IL1RAPL1: variants seen among roughly 807,000 people sequenced by gnomAD.
IL1RAPL1 encodes the protein interleukin 1 receptor accessory protein like 1.
IL1RAPL1 carries 3 observed loss-of-function variants against 48.4 expected under a neutral mutation model. The ratio of observed to expected loss-of-function variants is 0.06; its 90% confidence interval spans 0.03 to 0.16. IL1RAPL1 has a LOEUF of 0.16. IL1RAPL1 is among the 10% of genes least tolerant of loss of function. The pLI is 1.00. For synonymous variants in IL1RAPL1, 185 were observed against 187.7 expected (o/e 0.99, Z 0.12); for missense variants, 349 against 530.6 (o/e 0.66, Z 3.36).
chrX:28,681,656 G>A (rs1369346704), intron 1 of IL1RAPL1, among the ~76,000 whole-genome samples: 1 of 111,536 alleles, frequency 9.0e-6, no homozygotes, highest in Non-Finnish European at 1.9e-5. Flanking sequence ...AAGTGCTCTC[G>A]CCACAAAAAG....
intron 2 of IL1RAPL1, among the ~76,000 whole-genome samples, chrX:28,949,054 A>G (rs1924381194): frequency 9.0e-6 from 1 of 110,803 alleles, no homozygotes; most frequent in Non-Finnish European, 1.9e-5. Context: ...TTTGAATCTA[A>G]TTATTAGTCT....
intron 5 of IL1RAPL1, among the ~76,000 whole-genome samples, chrX:29,659,783 A>T (rs1169878771): frequency 9.0e-6 from 1 of 111,208 alleles, no homozygotes; most frequent in Non-Finnish European, 1.9e-5. Flanking sequence ...TGTGGTTTTA[A>T]TTTGCATTTC....
intron 2 of IL1RAPL1, among the ~76,000 whole-genome samples, chrX:28,909,361 T>G (rs1923300961): frequency 8.9e-6 from 1 of 111,793 alleles, no homozygotes. Context: ...TATTGTGAAC[T>G]TCTAGTTTTC....
chrX:29,054,144 GA>G (rs1927160661), intron 2 of IL1RAPL1, among the ~76,000 whole-genome samples: 1 of 110,949 alleles, frequency 9.0e-6, no homozygotes, highest in Non-Finnish European at 1.9e-5. Context: ...GTAACATATA[GA>G]AAGACTTGCC....
intron 2 of IL1RAPL1, among the ~76,000 whole-genome samples, chrX:28,835,717 G>A (rs1921187848): frequency 9.0e-6 from 1 of 111,134 alleles, no homozygotes; most frequent in African/African-American, 3.3e-5. Flanking sequence ...AAGGAATAAA[G>A]TATCAAGTAC....
At chrX:29,463,079 A>C (rs767825181) in intron 5 of IL1RAPL1, among the ~76,000 whole-genome samples, 1 of 111,913 alleles carries the variant, frequency 8.9e-6, no homozygotes, top group African/African-American at 3.2e-5. Context: ...GCATAGAAAA[A>C]ATAGATGCTT....
intron 6 of IL1RAPL1, among the ~76,000 whole-genome samples, chrX:29,708,688 A>G (rs1927263565): frequency 8.9e-6 from 1 of 112,420 alleles, no homozygotes; most frequent in Non-Finnish European, 1.9e-5. Context: ...ATGGGAGTGC[A>G]GATAGCTCTT....
At position 28,946,679 on chromosome X, in the gene IL1RAPL1, G is replaced by A. The variant is rs1416045293; in HGVS notation, c.82+157254G>A. On this transcript the variant is annotated intron_variant, in intron 2 of 10. Transcript: ENST00000378993. ...TTATTGGGCCCTTGGTATGTTTAAG[G>A]CATTGTGCTTGATTAGGGACATAAA... 2.7e-5 allele frequency among the ~76,000 whole-genome samples: 3 copies of A among 110,603 alleles called. No homozygotes were observed. The East Asian group carries it at 8.6e-4, about 32-fold the overall frequency.
chrX:28,683,930 G>A (rs1056479953), intron 1 of IL1RAPL1, among the ~76,000 whole-genome samples: 3 of 111,636 alleles, frequency 2.7e-5, no homozygotes, highest in Non-Finnish European at 5.6e-5. Flanking sequence ...AAAGACCACA[G>A]GATGATTTCC....
chrX:28,754,716 G>A (rs1369646682), intron 1 of IL1RAPL1, among the ~76,000 whole-genome samples: 1 of 112,132 alleles, frequency 8.9e-6, no homozygotes, highest in Non-Finnish European at 1.9e-5. Flanking sequence ...TATTGTGTAA[G>A]TGTATGTATT....
chrX:29,681,342 G>C (rs377013555), intron 6 of IL1RAPL1, among the ~76,000 whole-genome samples: 1 of 112,264 alleles, frequency 8.9e-6, no homozygotes, highest in African/African-American at 3.2e-5. Flanking sequence ...AATATGATTT[G>C]TAATGTGTTT....
chrX:29,867,388 A>T (rs1931717939), intron 6 of IL1RAPL1, among the ~76,000 whole-genome samples: 1 of 111,751 alleles, frequency 8.9e-6, no homozygotes. Flanking sequence ...AGTCATAAAG[A>T]TAGAACCTTC....
At chrX:28,919,948 T>G (rs909012715) in intron 2 of IL1RAPL1, among the ~76,000 whole-genome samples, 2 of 112,009 alleles carry the variant, frequency 1.8e-5, no homozygotes, top group African/African-American at 6.5e-5. Flanking sequence ...ATTGTTTAAA[T>G]TTGTCTGATT....
chrX:29,199,645 A>G (rs749322341), intron 2 of IL1RAPL1, among the ~76,000 whole-genome samples: 89 of 111,519 alleles, frequency 8.0e-4, no homozygotes, highest in Non-Finnish European at 7.7e-4. Context: ...TTGCTCTCCT[A>G]TGAGAATCTA....
At chrX:28,785,178 G>C (rs1936461807) in intron 1 of IL1RAPL1, among the ~76,000 whole-genome samples, 1 of 111,933 alleles carries the variant, frequency 8.9e-6, no homozygotes, top group African/African-American at 3.2e-5. Flanking sequence ...AGGCTAGAGT[G>C]TAGTGAAATA....
intron 6 of IL1RAPL1, among the ~76,000 whole-genome samples, chrX:29,703,541 C>T (rs1601786968): frequency 1.8e-5 from 2 of 111,212 alleles, no homozygotes; most frequent in Non-Finnish European, 3.8e-5. Context: ...GACGGGGTTT[C>T]ACCTTGTTTG....
At chrX:29,768,717 G>C (rs1033168005) in intron 6 of IL1RAPL1, among the ~76,000 whole-genome samples, 2 of 111,537 alleles carry the variant, frequency 1.8e-5, no homozygotes, top group African/African-American at 6.5e-5. Context: ...GCTGTTTTAA[G>C]CTTTCTCTTA....
At chrX:29,450,692 A>G (rs1167176193) in intron 5 of IL1RAPL1, among the ~76,000 whole-genome samples, 1 of 111,760 alleles carries the variant, frequency 8.9e-6, no homozygotes, top group African/African-American at 3.2e-5. Flanking sequence ...AAATTCATAT[A>G]TTTTATATTT....
chrX:28,840,495 A>G (rs763800006), intron 2 of IL1RAPL1, among the ~76,000 whole-genome samples: 3 of 110,887 alleles, frequency 2.7e-5, no homozygotes, highest in Non-Finnish European at 5.7e-5. Flanking sequence ...ATCAGGGTAA[A>G]TGGGGTATCT....
Sources: allele counts gnomAD v4.1 joint callset (sites outside exome capture counted in the v4.1 genomes callset), GRCh38; gene constraint gnomAD v4.1.1; transcripts MANE v1.5; gene names NCBI Gene and HGNC (gene_info 2026-07-23, HGNC 2026-07-21).